Variants in KCNMA1 observed in about 807,000 individuals in gnomAD.
The protein encoded by KCNMA1 is Calcium-activated potassium channel subunit alpha-1.
KCNMA1 carries 29 observed loss-of-function variants against 140.0 expected under a neutral mutation model. The ratio of observed to expected loss-of-function variants is 0.21; its 90% confidence interval spans 0.15 to 0.28. The LOEUF (loss-of-function observed/expected upper bound fraction) is 0.28. Ranked by LOEUF, KCNMA1 falls within the 10% of genes least tolerant of loss-of-function variation. KCNMA1 has a pLI of 1.00. For synonymous variants in KCNMA1, 612 were observed against 611.9 expected (o/e 1.00, Z 0.00); for missense variants, 880 against 1,602.2 (o/e 0.55, Z 7.70).
chr10:77,224,753 G>A (rs1323572148), intron 3 of KCNMA1, among the ~76,000 whole-genome samples: 1 of 152,178 alleles, frequency 6.6e-6, no homozygotes, highest in Non-Finnish European at 1.5e-5. Context: ...ATGTGACTCT[G>A]TGGGAGCTAC....
At chr10:77,426,495 G>A (rs2096996689) in intron 1 of KCNMA1, among the ~76,000 whole-genome samples, 1 of 152,194 alleles carries the variant, frequency 6.6e-6, no homozygotes, top group East Asian at 1.9e-4. Flanking sequence ...ACAGTTATAA[G>A]AGGTTGAGCT....
intron 23 of KCNMA1, among the ~76,000 whole-genome samples, chr10:76,930,645 C>A (rs911414320): frequency 2.0e-5 from 3 of 152,154 alleles, no homozygotes; most frequent in Non-Finnish European, 4.4e-5. Flanking sequence ...GAAATGAAAT[C>A]AGTATCTCAA....
intron 10 of KCNMA1, among the ~76,000 whole-genome samples, chr10:77,087,107 G>A (rs533370171): frequency 5.9e-5 from 9 of 152,292 alleles, no homozygotes; most frequent in South Asian, 4.1e-4. Context: ...GGACAGAGGC[G>A]TTTGTCCCTT....
At chr10:77,367,439 CTCCACTTGTGT>C (rs1034353771) in intron 2 of KCNMA1, among the ~76,000 whole-genome samples, 3 of 152,160 alleles carry the variant, frequency 2.0e-5, no homozygotes, top group African/African-American at 7.2e-5. Flanking sequence ...GCCTAACCCC[CTCCACTTGTGT>C]TCCCAAGAGC....
At chr10:77,127,931 G>A (rs965843966) in intron 5 of KCNMA1, among the ~76,000 whole-genome samples, 7 of 151,786 alleles carry the variant, frequency 4.6e-5, no homozygotes, top group Non-Finnish European at 8.8e-5. Context: ...CCGAGATCTC[G>A]CCACTGCACT....
intron 1 of KCNMA1, among the ~76,000 whole-genome samples, chr10:77,630,900 G>C (rs980626249): frequency 6.6e-6 from 1 of 151,886 alleles, no homozygotes; most frequent in Non-Finnish European, 1.5e-5. Context: ...GAACCCAGGA[G>C]TTCAAGACAA....
Position 77,064,445 on chromosome 10 carries a change from G to T in KCNMA1, c.1749+8652C>A, listed in dbSNP as rs1017461768. On this transcript the variant is annotated intron_variant, in intron 14 of 27. Coordinates refer to ENST00000286628, the MANE Select transcript of KCNMA1 (RefSeq NM_001161352.2). The stretch of plus-strand genomic sequence containing the variant: ...TTCAGAAGATCCGTTGACATTTTCT[G>T]GCAATCTATCTTCTAACATGCTGTA... 2.6e-5 allele frequency among the ~76,000 whole-genome samples: 4 copies of T among 152,238 alleles called. No homozygotes were observed. The East Asian group carries it at 7.7e-4, about 29-fold the overall frequency.
chr10:77,501,602 C>G (rs780364622), intron 1 of KCNMA1, among the ~76,000 whole-genome samples: 1 of 152,216 alleles, frequency 6.6e-6, no homozygotes, highest in Non-Finnish European at 1.5e-5. Context: ...CCCTGCCCCC[C>G]AGCCTGATTC....
chr10:77,489,835 C>T (rs946191099), intron 1 of KCNMA1, among the ~76,000 whole-genome samples: 3 of 152,190 alleles, frequency 2.0e-5, no homozygotes, highest in African/African-American at 7.2e-5. Flanking sequence ...TATCAAGGTT[C>T]TGTCTGGCCT....
intron 1 of KCNMA1, among the ~76,000 whole-genome samples, chr10:77,573,092 G>A (rs1276216288): frequency 2.6e-5 from 4 of 152,180 alleles, no homozygotes; most frequent in African/African-American, 9.7e-5. Flanking sequence ...GGTTGGGAAT[G>A]AGCTGGTGTA....
chr10:77,506,571 T>TAGAGAGAG lies in KCNMA1; in HGVS notation c.379-102556_379-102549dup, dbSNP rs72516981. 3.4e-3 allele frequency among the ~76,000 whole-genome samples: 266 copies of TAGAGAGAG among 77,976 alleles called. 5 individuals are homozygous for TAGAGAGAG. Among genetic ancestry groups the TAGAGAGAG allele is most frequent in the Middle Eastern group, 0.013 (2 of 150 alleles). 51.2% of individuals were successfully genotyped at this position (77,976 alleles called of 152,430 possible). A position where few individuals can be genotyped will look rare whatever the true frequency, so the allele number is the denominator to read the frequency against. On this transcript the variant is annotated intron_variant, in intron 1 of 27. Transcript: ENST00000286628. Reference sequence around the variant, plus strand: ...GGAGAGAGGGAAAGAGAGATGTTCCTAGAGAGAGAGAGAGAGAGAGAGAGA... The same window carrying TAGAGAGAG: ...GGAGAGAGGGAAAGAGAGATGTTCCTAGAGAGAGAGAGAGAGAGAGAGAGAGAGAGAGA...
At chr10:77,321,317 C>A (rs1407223028) in intron 2 of KCNMA1, among the ~76,000 whole-genome samples, 1 of 152,174 alleles carries the variant, frequency 6.6e-6, no homozygotes, top group Admixed American at 6.5e-5. Flanking sequence ...ATATCAGTAT[C>A]CATTCTCAAG....
At chr10:77,363,476 T>C (rs1432560241) in intron 2 of KCNMA1, among the ~76,000 whole-genome samples, 1 of 152,242 alleles carries the variant, frequency 6.6e-6, no homozygotes, top group African/African-American at 2.4e-5. Context: ...CCCATAAAAA[T>C]GGCATTTGCA....
intron 3 of KCNMA1, among the ~76,000 whole-genome samples, chr10:77,246,953 G>GC (rs2058665746): frequency 6.6e-6 from 1 of 152,144 alleles, no homozygotes; most frequent in Non-Finnish European, 1.5e-5. Flanking sequence ...ATCAGCAAGT[G>GC]CCCCCATTGT....
At chr10:77,338,660 A>G (rs571077227) in intron 2 of KCNMA1, among the ~76,000 whole-genome samples, 1 of 152,150 alleles carries the variant, frequency 6.6e-6, no homozygotes, top group South Asian at 2.1e-4. Context: ...CTGACACTCA[A>G]CCATGCCCTG....
At chr10:76,894,999 G>A (rs868861159) in intron 25 of KCNMA1, among the ~76,000 whole-genome samples, 4 of 152,132 alleles carry the variant, frequency 2.6e-5, no homozygotes, top group Non-Finnish European at 5.9e-5. Context: ...CAGATAGCCC[G>A]GTGCCACACC....
intron 20 of KCNMA1, among the ~76,000 whole-genome samples, chr10:76,966,751 C>T (rs569519255): frequency 3.3e-5 from 5 of 152,222 alleles, no homozygotes; most frequent in South Asian, 2.1e-4. Flanking sequence ...CAGAGAGAGC[C>T]GGGGACTTGG....
intron 1 of KCNMA1, among the ~76,000 whole-genome samples, chr10:77,540,295 G>C (rs1603634361): frequency 6.6e-6 from 1 of 152,298 alleles, no homozygotes; most frequent in African/African-American, 2.4e-5. Context: ...AGTCCAGGTT[G>C]GTATCCATAT....
intron 1 of KCNMA1, among the ~76,000 whole-genome samples, chr10:77,595,606 T>C (rs1376690401): frequency 7.4e-6 from 1 of 135,586 alleles, no homozygotes; most frequent in Non-Finnish European, 1.7e-5. Context: ...TTAATAGATT[T>C]ACACTCCTGA....
Sources: gnomAD v4.1 joint callset for allele counts (sites outside exome capture counted in the v4.1 genomes callset) on GRCh38, gnomAD v4.1.1 for gene constraint, MANE v1.5 for transcripts, NCBI Gene and HGNC (gene_info 2026-07-23, HGNC 2026-07-21) for gene names.